The following ARHGEF17 variants were observed in gnomAD, a reference collection of about 807,000 sequenced individuals.
The protein encoded by ARHGEF17 is 164 kDa Rho-specific guanine-nucleotide exchange factor.
In ARHGEF17, 80 loss-of-function variants were observed where a neutral mutation model predicts 174.0. That is an observed-to-expected ratio of 0.46 (90% CI 0.38 to 0.55). The LOEUF is 0.55. Among genes scored for constraint, ARHGEF17 ranks in the 20% least tolerant of loss-of-function variants. ARHGEF17 has a pLI of 0.00. For missense variants in ARHGEF17, 2,886 were observed against 2,839.7 expected, an observed-to-expected ratio of 1.02 and a Z score of -0.37; for synonymous variants, 1,311 against 1,189.1, an observed-to-expected ratio of 1.10 and a Z score of -2.11.
intron 20 of ARHGEF17, among the ~76,000 whole-genome samples, chr11:73,366,156 TTG>T (rs1291698542): frequency 6.6e-6 from 1 of 152,072 alleles, no homozygotes; most frequent in Admixed American, 6.5e-5. Context: ...CCTGCATGTG[TTG>T]TGTGTATATA....
At chr11:73,363,704 T>C (rs767980085) in intron 15 of ARHGEF17, 43 bp from the exon 16 acceptor site, 1 of 1,602,286 alleles carries the variant, frequency 6.2e-7, no homozygotes, top group African/African-American at 1.3e-5. Context: ...CAGGGGCTGG[T>C]GTGCCCCAAG....
intron 1 of ARHGEF17, among the ~76,000 whole-genome samples, chr11:73,335,530 A>G (rs1256667072): frequency 2.6e-5 from 4 of 151,786 alleles, no homozygotes; most frequent in Non-Finnish European, 4.4e-5. Context: ...AGGGGGGCGG[A>G]TCTCAGAGAA....
At chr11:73,361,852 C>CAA (rs367973557) in intron 12 of ARHGEF17, among the ~76,000 whole-genome samples, 188 bp from the exon 13 acceptor site, 5 of 119,648 alleles carry the variant, frequency 4.2e-5, no homozygotes, top group African/African-American at 6.1e-5. Flanking sequence ...AGAACCAATC[C>CAA]AAAAAAAAAA....
rs1464913353 is a variant in ARHGEF17 at position 73,360,429 on chromosome 11, G to A, written c.4316G>A (p.Cys1439Tyr). Reference sequence around the variant, plus strand: ...TTCCCGCCAACCAAGCTGGAGCTGTGCGCCACTCGGCCCGAGGGCACCGAC... The same window carrying A: ...TTCCCGCCAACCAAGCTGGAGCTGTACGCCACTCGGCCCGAGGGCACCGAC... ...LSFPPTKLEL[C>Y]ATRPEGTDSY... The change falls in exon 11 of 21, where the codon TGC becomes TAC. Residue 1439 changes from cysteine to tyrosine, a missense_variant. By Grantham distance (194) the Cys-to-Tyr change is radical. Around this residue, in one of 4 missense-constraint regions of ARHGEF17, gnomAD observed 476 missense variants for 473.1 expected, o/e 1.01. Transcript: ENST00000263674. 1 of 1,613,998 alleles carries A rather than the reference G, an allele frequency of 6.2e-7. No individual in the cohort carries two copies. Among genetic ancestry groups the A allele is most frequent in the Non-Finnish European group, 8.5e-7 (1 of 1,180,050 alleles).
At position 73,327,274 on chromosome 11, in the gene ARHGEF17, T is replaced by C. The variant is rs1433026450; in HGVS notation, c.3192+15444T>C. On this transcript the variant is annotated intron_variant, in intron 1 of 20. Coordinates refer to ENST00000263674, the MANE Select transcript of ARHGEF17 (RefSeq NM_014786.4). ...GGCAACCAGCTACGCTCCCAGAATG[T>C]GCACCCTGTCTCAGCCCAGCTCAGT... 5.3e-5 allele frequency among the ~76,000 whole-genome samples: 8 copies of C among 152,202 alleles called. No homozygotes were observed. The East Asian group carries it at 1.5e-3, about 29-fold the overall frequency.
chr11:73,368,286 T>G lies in ARHGEF17; in HGVS notation c.*506T>G, dbSNP rs1865875958. The G allele has an allele frequency of 6.5e-6, 1 of 153,484 alleles. No homozygotes were observed. Among genetic ancestry groups the G allele is most frequent in the Admixed American group, 6.5e-5 (1 of 15,434 alleles). 9.5% of individuals were successfully genotyped at this position (153,484 alleles called of 1,614,324 possible). ...GAGGAAAAGAAACCTATTCCTGCCC[T>G]GGGGACCACCCTGGGACTCTAACCA... On this transcript the variant is annotated 3_prime_UTR_variant, in exon 21 of 21. Transcript: ENST00000263674.
At chr11:73,333,111 C>G (rs1865234949) in intron 1 of ARHGEF17, among the ~76,000 whole-genome samples, 3 of 152,146 alleles carry the variant, frequency 2.0e-5, no homozygotes, top group Admixed American at 1.3e-4. Flanking sequence ...GAAATTAGGC[C>G]CTGGAAGTGT....
At chr11:73,337,245 A>C (rs1020128551) in intron 1 of ARHGEF17, among the ~76,000 whole-genome samples, 10 of 152,194 alleles carry the variant, frequency 6.6e-5, no homozygotes, top group Non-Finnish European at 1.5e-4. Context: ...TAATCTCTAA[A>C]AAATATTTTT....
In ARHGEF17 at chr11:73,362,440, C is replaced by T. The variant is rs556410361; in HGVS notation, c.4702C>T (p.Pro1568Ser). The change falls in exon 14 of 21, where the codon CCT becomes TCT. Residue 1568 changes from proline to serine, a missense_variant. Pro to Ser is a moderately conservative substitution (Grantham distance 74, BLOSUM62 -1). Transcript: ENST00000263674. ...GLQPRCHREP[P>S]PSLRSPPETA... The stretch of plus-strand genomic sequence containing the variant: ...CACTCCGTCTTCTCGCAGGGAGCCT[C>T]CTCCGTCGCTGAGGAGTCCTCCAGA... 6 of 1,559,390 alleles carry T rather than the reference C, an allele frequency of 3.8e-6. No individual in the cohort carries two copies. Among genetic ancestry groups the T allele is most frequent in the Non-Finnish European group, 5.2e-6 (6 of 1,157,550 alleles).
Position 73,310,703 on chromosome 11 carries a change from CTGGGCGGG to C in ARHGEF17, c.2071_2078del (p.Gly691ProfsTer5). On this transcript the variant is annotated frameshift_variant, in exon 1 of 21. Transcript: ENST00000263674. LOFTEE classifies it high-confidence loss of function. ...CCATGGCCCTGGGACTGAGGACAGTCTGGGCGGGTGGGCCCTGGTGTCGCCTGAGACCC... is the reference window on the plus strand; with the variant it reads ...CCATGGCCCTGGGACTGAGGACAGTCTGGGCCCTGGTGTCGCCTGAGACCC... The C allele has an allele frequency of 6.2e-7, 1 of 1,613,490 alleles. No individual in the cohort carries two copies. Among genetic ancestry groups the C allele is most frequent in the Non-Finnish European group, 8.5e-7 (1 of 1,179,932 alleles).
intron 2 of ARHGEF17, 86 bp downstream of exon 2, chr11:73,347,046 A>G: frequency 2.3e-6 from 3 of 1,308,628 alleles, no homozygotes; most frequent in Non-Finnish European, 3.2e-6. Context: ...CCTTTCATGG[A>G]CAAGGGACTG....
Position 73,309,042 on chromosome 11 carries a change from G to A in ARHGEF17, c.404G>A (p.Gly135Asp). The A allele has an allele frequency of 1.4e-6, 2 of 1,471,004 alleles. No homozygotes were observed. The highest frequency in any genetic ancestry group is 1.8e-6 in the Non-Finnish European group (2 of 1,116,160). The allele number at this position is 1,471,004 out of a possible 1,614,324, so 91.1% of individuals were successfully genotyped here. A position where few individuals can be genotyped will look rare whatever the true frequency, so the allele number is the denominator to read the frequency against. ...ACCGAGATGCGCAAGCTCTTCGGCG[G>A]TCCTGGCTCCAGGAGGCCCAGCGCC... ...SVTEMRKLFG[G>D]PGSRRPSADS... The change falls in exon 1 of 21, where the codon GGT (glycine) becomes GAT (aspartate). Residue 135 changes from glycine (G) to aspartate (D), a missense_variant. Coordinates refer to ENST00000263674, the MANE Select transcript of ARHGEF17 (RefSeq NM_014786.4).
chr11:73,356,671 A>T, intron 6 of ARHGEF17, 38 bp from the exon 7 acceptor site: 1 of 1,613,210 alleles, frequency 6.2e-7, no homozygotes, highest in Non-Finnish European at 8.5e-7. Context: ...GGGATTAATA[A>T]CTGGCCTTCG....
intron 1 of ARHGEF17, among the ~76,000 whole-genome samples, chr11:73,321,653 T>C (rs1300383733): frequency 6.6e-6 from 1 of 152,176 alleles, no homozygotes; most frequent in African/African-American, 2.4e-5. Context: ...TGTGGCCACT[T>C]AGTGTATGCT....
intron 1 of ARHGEF17, among the ~76,000 whole-genome samples, 155 bp from the exon 2 acceptor site, chr11:73,346,728 C>T (rs1326399957): frequency 6.6e-6 from 1 of 151,886 alleles, no homozygotes; most frequent in African/African-American, 2.4e-5. Context: ...GCCTGGGGGC[C>T]TCGGGGGAAC....
intron 1 of ARHGEF17, among the ~76,000 whole-genome samples, chr11:73,325,947 T>C (rs538046143): frequency 5.9e-5 from 9 of 152,240 alleles, no homozygotes; most frequent in Non-Finnish European, 1.0e-4. Flanking sequence ...GTGGATTGAC[T>C]GAGCCCTGAC....
Position 73,308,526 on chromosome 11 carries a change from C to A in ARHGEF17, c.-113C>A. On this transcript the variant is annotated 5_prime_UTR_variant, in exon 1 of 21. Coordinates refer to ENST00000263674, the MANE Select transcript of ARHGEF17 (RefSeq NM_014786.4). ...CTCCGGTCTCTGCGTCCTCTTCCCA[C>A]ACTCCCGTGCGCTGCTTTCGGCGTG... The A allele has an allele frequency of 1.0e-6, 1 of 958,750 alleles. No individual in the cohort carries two copies. The highest frequency in any genetic ancestry group is 1.4e-6 in the Non-Finnish European group (1 of 708,192). The allele number at this position is 958,750 out of a possible 1,614,324, so 59.4% of individuals were successfully genotyped here.
At chr11:73,341,206 C>G (rs1225917031) in intron 1 of ARHGEF17, among the ~76,000 whole-genome samples, 1 of 152,066 alleles carries the variant, frequency 6.6e-6, no homozygotes, top group Non-Finnish European at 1.5e-5. Flanking sequence ...AAACTGAGAG[C>G]CTTTAAGAGC....
chr11:73,361,059 G>A, intron 11 of ARHGEF17, 29 bp from the exon 12 acceptor site: 1 of 1,588,678 alleles, frequency 6.3e-7, no homozygotes. Context: ...GCTAAGCAGG[G>A]TCCGTCTGTC....
Sources: gnomAD v4.1 joint callset for allele counts (sites outside exome capture counted in the v4.1 genomes callset) on GRCh38, gnomAD v4.1.1 for gene constraint, gnomAD v4.1.1 regional missense constraint, MANE v1.5 for transcripts, NCBI Gene and HGNC (gene_info 2026-07-23, HGNC 2026-07-21) for gene names.